SLIT1: variants seen among roughly 807,000 people sequenced by gnomAD.
SLIT1 encodes the protein slit guidance ligand 1, also known as slit homolog 1 protein.
In SLIT1, 66 loss-of-function variants were observed where a neutral mutation model predicts 186.1. The ratio of observed to expected loss-of-function variants is 0.35; its 90% confidence interval spans 0.29 to 0.44. The LOEUF (loss-of-function observed/expected upper bound fraction) is 0.44. Among genes scored for constraint, SLIT1 ranks in the 20% least tolerant of loss-of-function variants. The pLI is 1.00. For missense variants in SLIT1, 1,638 were observed against 2,037.4 expected (o/e 0.80, Z 3.77); for synonymous variants, 761 against 833.8 (o/e 0.91, Z 1.50).
intron 14 of SLIT1, among the ~76,000 whole-genome samples, chr10:97,048,373 C>G (rs1418878359): frequency 6.6e-6 from 1 of 152,180 alleles, no homozygotes; most frequent in Non-Finnish European, 1.5e-5. Context: ...ACGTGGACTA[C>G]AATTGCTAAG....
chr10:97,171,959 G>C (rs117494262), intron 1 of SLIT1, among the ~76,000 whole-genome samples: 1 of 151,788 alleles, frequency 6.6e-6, no homozygotes, highest in Admixed American at 6.6e-5. Flanking sequence ...CTTTGCCTAC[G>C]AACTCCAATT....
At chr10:97,181,122 G>C (rs892937014) in intron 1 of SLIT1, among the ~76,000 whole-genome samples, 1 of 152,150 alleles carries the variant, frequency 6.6e-6, no homozygotes, top group East Asian at 1.9e-4. Context: ...CACGGCACGG[G>C]GGTCCTAACA....
chr10:97,012,765 T>C (rs1439155316), intron 30 of SLIT1, among the ~76,000 whole-genome samples: 1 of 152,160 alleles, frequency 6.6e-6, no homozygotes, highest in African/African-American at 2.4e-5. Context: ...CTTCCTGTCA[T>C]GGGCCTCAGG....
chr10:97,160,778 C>T (rs947336411), intron 3 of SLIT1, among the ~76,000 whole-genome samples: 2 of 152,158 alleles, frequency 1.3e-5, no homozygotes, highest in Non-Finnish European at 2.9e-5. Flanking sequence ...TGGACTGCAG[C>T]GGCATGATCT....
intron 4 of SLIT1, among the ~76,000 whole-genome samples, chr10:97,140,018 C>G (rs1318944030): frequency 6.6e-6 from 1 of 152,166 alleles, no homozygotes; most frequent in African/African-American, 2.4e-5. Context: ...CCCTCTTCCT[C>G]TCTGTCTTTC....
chr10:97,149,484 G>C (rs931451767), intron 4 of SLIT1, among the ~76,000 whole-genome samples: 1 of 152,100 alleles, frequency 6.6e-6, no homozygotes, highest in African/African-American at 2.4e-5. Context: ...GAAGCAAAGA[G>C]GAGCTCTACC....
chr10:97,036,687 G>A (rs896515803), intron 22 of SLIT1, among the ~76,000 whole-genome samples: 2 of 152,206 alleles, frequency 1.3e-5, no homozygotes, highest in African/African-American at 4.8e-5. Flanking sequence ...GATTGCACTT[G>A]GAGTGGGACT....
At chr10:97,067,988 T>G (rs746807829) in intron 4 of SLIT1, among the ~76,000 whole-genome samples, 1 of 152,166 alleles carries the variant, frequency 6.6e-6, no homozygotes, top group African/African-American at 2.4e-5. Flanking sequence ...CCCAACGGTG[T>G]GCACAGAGCC....
chr10:97,002,411 C>A, intron 35 of SLIT1, 42 bp from the exon 36 acceptor site: 1 of 1,462,416 alleles, frequency 6.8e-7, no homozygotes, highest in South Asian at 1.3e-5. Context: ...ACAAACCCAG[C>A]CAAGCCCCAC....
At chr10:97,134,296 G>A (rs1358116705) in intron 4 of SLIT1, among the ~76,000 whole-genome samples, 2 of 152,134 alleles carry the variant, frequency 1.3e-5, no homozygotes, top group Non-Finnish European at 1.5e-5. Flanking sequence ...TCTTGGGGAC[G>A]CCATCTCATT....
intron 1 of SLIT1, among the ~76,000 whole-genome samples, chr10:97,180,077 C>T (rs779773564): frequency 6.6e-6 from 1 of 152,186 alleles, no homozygotes; most frequent in African/African-American, 2.4e-5. Context: ...ACCGACAGCC[C>T]GCCCCGCCCA....
In SLIT1 at chr10:97,046,814, G is replaced by T. The variant is rs777103889; in HGVS notation, c.1710-17C>A. 14 of 1,609,430 alleles carry T rather than the reference G, an allele frequency of 8.7e-6. No homozygotes were observed. Among genetic ancestry groups the T allele is most frequent in the East Asian group, 2.2e-5 (1 of 44,886 alleles). On this transcript the variant is annotated splice_polypyrimidine_tract_variant and intron_variant, in intron 17 of 36. Transcript: ENST00000266058. ...CTCAGATTGCTGGGAGAAGAGGCGG[G>T]GGGAGGATTACATATGGCCAGCAGC... is the stretch of plus-strand genomic sequence containing the variant.
At chr10:97,044,555 T>A (rs377508010) in intron 18 of SLIT1, among the ~76,000 whole-genome samples, 29 of 152,232 alleles carry the variant, frequency 1.9e-4, no homozygotes, top group Middle Eastern at 3.4e-3. Context: ...TTACTACTAA[T>A]CAAAGACACT....
intron 31 of SLIT1, among the ~76,000 whole-genome samples, chr10:97,007,634 A>G (rs948881585): frequency 1.3e-5 from 2 of 152,144 alleles, no homozygotes; most frequent in African/African-American, 4.8e-5. Context: ...GGCTGGTTTG[A>G]CCTCTGAAAT....
At chr10:97,074,761 C>A (rs1214590920) in intron 4 of SLIT1, among the ~76,000 whole-genome samples, 1 of 152,246 alleles carries the variant, frequency 6.6e-6, no homozygotes, top group Non-Finnish European at 1.5e-5. Flanking sequence ...AGGCCCACAC[C>A]CTGACTTGGC....
At position 97,004,547 on chromosome 10, in the gene SLIT1, G is replaced by T; in HGVS notation, c.3710+146C>A. The T allele has an allele frequency of 1.0e-6, 1 of 977,350 alleles. No individual in the cohort carries two copies. The highest frequency in any genetic ancestry group is 1.6e-6 in the Non-Finnish European group (1 of 642,768). 60.5% of individuals were successfully genotyped at this position (977,350 alleles called of 1,614,324 possible). On this transcript the variant is annotated intron_variant, in intron 33 of 36. Coordinates refer to ENST00000266058, the MANE Select transcript of SLIT1 (RefSeq NM_003061.3). The surrounding 1 kb of genome is among the most constrained non-coding windows in gnomAD (Gnocchi z 5.1). ...TCAGAGACCTCAGCCCCAAGCTGGG[G>T]CTAACCCAGATGGTTCAAGTGTCCT... is the stretch of plus-strand genomic sequence containing the variant.
chr10:97,024,448 G>A (rs1848528115), intron 25 of SLIT1, among the ~76,000 whole-genome samples: 1 of 152,214 alleles, frequency 6.6e-6, no homozygotes, highest in African/African-American at 2.4e-5. Flanking sequence ...TAAAAGAGGT[G>A]CTGAGGGAAC....
intron 4 of SLIT1, among the ~76,000 whole-genome samples, chr10:97,151,625 T>C (rs1278412298): frequency 6.6e-6 from 1 of 151,774 alleles, no homozygotes; most frequent in East Asian, 1.9e-4. Flanking sequence ...CTAGGGGTGG[T>C]ATGTAAGGAT....
Position 97,004,572 on chromosome 10 carries a change from T to G in SLIT1, c.3710+121A>C. ...GCTAACCCAGATGGTTCAAGTGTCC[T>G]TCAAACTCAGGCAGCCCAGGTTTCT... is the stretch of plus-strand genomic sequence containing the variant. On this transcript the variant is annotated intron_variant, in intron 33 of 36. Coordinates refer to ENST00000266058, the MANE Select transcript of SLIT1 (RefSeq NM_003061.3). This position sits in a 1 kb window ranked among gnomAD's most constrained non-coding sequence, Gnocchi z 5.1. The G allele has an allele frequency of 8.0e-7, 1 of 1,257,134 alleles. No individual in the cohort carries two copies. The highest frequency in any genetic ancestry group is 1.3e-5 in the South Asian group (1 of 74,512). The allele number at this position is 1,257,134 out of a possible 1,614,324, so 77.9% of individuals were successfully genotyped here.
Sources: allele counts gnomAD v4.1 joint callset (sites outside exome capture counted in the v4.1 genomes callset), GRCh38; gene constraint gnomAD v4.1.1; non-coding constraint Gnocchi (gnomAD v3.1); transcripts MANE v1.5; gene names NCBI Gene and HGNC (gene_info 2026-07-23, HGNC 2026-07-21).